Variants in ARL3 observed in about 807,000 individuals in gnomAD.
ARL3 encodes the protein ARF like GTPase 3.
ARL3 carries 9 observed loss-of-function variants against 26.0 expected under a neutral mutation model. The ratio of observed to expected loss-of-function variants is 0.35; its 90% CI spans 0.21 to 0.60. The LOEUF is 0.60. Among genes scored for constraint, ARL3 ranks in the 20% least tolerant of loss-of-function variants. The pLI, the probability that ARL3 is intolerant of heterozygous loss-of-function variation, is 0.78. For synonymous variants in ARL3, 71 were observed against 78.4 expected, an observed-to-expected ratio of 0.91 and a Z score of 0.50; for missense variants, 158 against 215.7, an observed-to-expected ratio of 0.73 and a Z score of 1.67.
At chr10:102,693,079 TTATC>T (rs1371547772) in intron 3 of ARL3, among the ~76,000 whole-genome samples, 1 of 152,228 alleles carries the variant, frequency 6.6e-6, no homozygotes, top group Non-Finnish European at 1.5e-5. Context: ...CACAGTTTGT[TTATC>T]TATTAACCTA....
chr10:102,674,047 G>A lies in ARL3; in HGVS notation c.*2847C>T, dbSNP rs1176460630. 4 of 152,452 alleles carry A rather than the reference G, an allele frequency of 2.6e-5. No homozygotes were observed. The highest frequency in any genetic ancestry group is 6.6e-5 in the Admixed American group (1 of 15,260). 9.4% of individuals were successfully genotyped at this position (152,452 alleles called of 1,614,324 possible). On this transcript the variant is annotated 3_prime_UTR_variant, in exon 6 of 6. Coordinates refer to ENST00000260746, the MANE Select transcript of ARL3 (RefSeq NM_004311.4). ...CTCCAGGCCAGGCCGGATAAGGAGC[G>A]GCCAACAGTGAGGGTGGGGCGCAGA...
intron 3 of ARL3, among the ~76,000 whole-genome samples, chr10:102,693,987 A>G (rs1404383739): frequency 6.6e-6 from 1 of 151,280 alleles, no homozygotes; most frequent in Non-Finnish European, 1.5e-5. Context: ...CAGAAGTTTT[A>G]TTTTTATTTA....
At chr10:102,680,174 G>A (rs901688953) in intron 5 of ARL3, among the ~76,000 whole-genome samples, 5 of 152,190 alleles carry the variant, frequency 3.3e-5, no homozygotes, top group Non-Finnish European at 7.3e-5. Context: ...TCGATCTCCT[G>A]ATCTTGTGAT....
intron 5 of ARL3, among the ~76,000 whole-genome samples, chr10:102,680,931 A>C (rs910350909): frequency 5.9e-5 from 9 of 152,164 alleles, no homozygotes; most frequent in Non-Finnish European, 1.3e-4. Flanking sequence ...TGCACCAGAA[A>C]GGTAGTGAAA....
At position 102,699,382 on chromosome 10, in the gene ARL3, G is replaced by A. The variant is rs201451573; in HGVS notation, c.255C>T (p.Thr85=). ...RPYWKNYFEN[T]DILIYVIDSA... ...CAGAAGGAGTACTTACAAGAATATC[G>A]GTATTTTCAAAATAATTCTTCCAGT... Residue 85 remains threonine (T), a synonymous_variant, in exon 3 of 6, where the codon ACC becomes ACT. Coordinates refer to ENST00000260746, the MANE Select transcript of ARL3 (RefSeq NM_004311.4). 16 of 1,584,076 alleles carry A rather than the reference G, an allele frequency of 1.0e-5. 1 individual carries two copies. The Middle Eastern group carries it at 5.0e-4, about 49-fold the overall frequency.
At chr10:102,699,288 C>T (rs2064265479) in intron 3 of ARL3, 85 bp downstream of exon 3, 6 of 864,404 alleles carry the variant, frequency 6.9e-6, no homozygotes, top group African/African-American at 6.9e-5. Flanking sequence ...GGTGGAATTA[C>T]TGACAAGAAA....
At chr10:102,710,365 G>A (rs1430313753) in intron 1 of ARL3, among the ~76,000 whole-genome samples, 1 of 152,126 alleles carries the variant, frequency 6.6e-6, no homozygotes, top group Non-Finnish European at 1.5e-5. Context: ...CTGCCTGAAA[G>A]GTACAAAGTA....
At chr10:102,679,004 C>A (rs2135994819) in intron 5 of ARL3, among the ~76,000 whole-genome samples, 1 of 152,372 alleles carries the variant, frequency 6.6e-6, no homozygotes, top group Middle Eastern at 3.4e-3. Context: ...GCCGCTGCAA[C>A]CCTGAGTGTG....
At chr10:102,683,776 T>C (rs1385210863) in intron 5 of ARL3, among the ~76,000 whole-genome samples, 1 of 152,064 alleles carries the variant, frequency 6.6e-6, no homozygotes, top group Non-Finnish European at 1.5e-5. Flanking sequence ...GCCAGGAGCA[T>C]GGAGTTCTAT....
chr10:102,702,103 A>T (rs1449773622), intron 2 of ARL3, among the ~76,000 whole-genome samples: 1 of 151,632 alleles, frequency 6.6e-6, no homozygotes, highest in Non-Finnish European at 1.5e-5. Flanking sequence ...AGGTGGGAAG[A>T]TTGCTTGAAC....
At position 102,713,752 on chromosome 10, in the gene ARL3, C is replaced by T. The variant is rs188692544; in HGVS notation, c.3+521G>A. ...TGTCGTGGGACTTACTTCCCTACCC[C>T]CCAGGGGCCCGCACAGCGCGAGAAG... On this transcript the variant is annotated intron_variant, in intron 1 of 5. Transcript: ENST00000260746. Among the ~76,000 whole-genome samples, 22 of 152,330 alleles carry T rather than the reference C, an allele frequency of 1.4e-4. No individual in the cohort carries two copies. The East Asian group carries it at 3.3e-3, about 23-fold the overall frequency.
At chr10:102,703,118 CTTTTTTTTTTT>C (rs1023724116) in intron 2 of ARL3, among the ~76,000 whole-genome samples, 3 of 101,164 alleles carry the variant, frequency 3.0e-5, no homozygotes, top group African/African-American at 7.6e-5. Context: ...CAGGTCTTGT[CTTTTTTTTTTT>C]TTTTTTTTTT....
chr10:102,714,259 GC>G lies in ARL3; in HGVS notation c.3+13del. On this transcript the variant is annotated intron_variant, in intron 1 of 5. Transcript: ENST00000260746. ...ACCGGCCGGCTCCAAGGGGGCCCAG[GC>G]CCCCACACTCACCATCCTCCCGCCG... 1 of 1,313,064 alleles carries G rather than the reference GC, an allele frequency of 7.6e-7. No homozygotes were observed. The allele number at this position is 1,313,064 out of a possible 1,614,324, so 81.3% of individuals were successfully genotyped here. A position where few individuals can be genotyped will look rare whatever the true frequency, so the allele number is the denominator to read the frequency against.
At chr10:102,706,295 T>C (rs956293037) in intron 1 of ARL3, among the ~76,000 whole-genome samples, 2 of 151,758 alleles carry the variant, frequency 1.3e-5, no homozygotes, top group East Asian at 1.9e-4. Context: ...ACAAAAAATA[T>C]AAAAAATTAG....
chr10:102,693,410 T>C (rs1163970601), intron 3 of ARL3, among the ~76,000 whole-genome samples: 1 of 152,216 alleles, frequency 6.6e-6, no homozygotes, highest in Non-Finnish European at 1.5e-5. Flanking sequence ...TGTAGTACCA[T>C]ATTATTGCTG....
chr10:102,702,673 G>A (rs983451261), intron 2 of ARL3, among the ~76,000 whole-genome samples: 22 of 152,200 alleles, frequency 1.4e-4, no homozygotes, highest in Non-Finnish European at 2.2e-4. Flanking sequence ...CCCCACAAGC[G>A]CATGCACACA....
intron 2 of ARL3, among the ~76,000 whole-genome samples, chr10:102,701,035 C>A (rs2064277442): frequency 1.3e-5 from 2 of 152,138 alleles, no homozygotes; most frequent in Admixed American, 6.6e-5. Flanking sequence ...CTGCACCGGG[C>A]TGGAAGTCTT....
intron 4 of ARL3, among the ~76,000 whole-genome samples, chr10:102,689,286 T>C (rs893390386): frequency 1.3e-5 from 2 of 151,876 alleles, no homozygotes; most frequent in Admixed American, 1.3e-4. Flanking sequence ...AATTGTGCCA[T>C]TGCACTCCAG....
In ARL3 at chr10:102,684,969, C is replaced by T. The variant is rs374279289; in HGVS notation, c.501+847G>A. On this transcript the variant is annotated intron_variant, in intron 5 of 5. Transcript: ENST00000260746. The stretch of plus-strand genomic sequence containing the variant: ...TGATGTTTTAAAAAGCAGCCAGGGC[C>T]GGGCAGGGTGGCTCATGCCTGTAAT... Among the ~76,000 whole-genome samples the T allele has an allele frequency of 4.1e-5, 6 of 148,012 alleles. No individual in the cohort carries two copies. In the East Asian group the frequency reaches 1.1e-3, roughly 27 times the overall value.
Sources: allele counts gnomAD v4.1 joint callset (sites outside exome capture counted in the v4.1 genomes callset), GRCh38; gene constraint gnomAD v4.1.1; transcripts MANE v1.5; gene names NCBI Gene and HGNC (gene_info 2026-07-23, HGNC 2026-07-21).